Variants in EXOC6B observed in about 807,000 individuals in gnomAD.
The protein encoded by EXOC6B is exocyst complex component 6B, also known as SEC15 homolog B.
A neutral mutation model predicts 113.5 loss-of-function variants in EXOC6B; 54 were observed. That is an observed-to-expected ratio of 0.48 (90% CI 0.38 to 0.60). The LOEUF is 0.60. Among genes scored for constraint, EXOC6B ranks in the 20% least tolerant of loss-of-function variants. The pLI is 0.00. For synonymous variants in EXOC6B, 357 were observed against 339.0 expected, an observed-to-expected ratio of 1.05 and a Z score of -0.58; for missense variants, 797 against 977.5, an observed-to-expected ratio of 0.82 and a Z score of 2.46.
intron 20 of EXOC6B, among the ~76,000 whole-genome samples, chr2:72,255,825 T>C (rs1683321456): frequency 6.6e-6 from 1 of 152,198 alleles, no homozygotes; most frequent in African/African-American, 2.4e-5. Flanking sequence ...TTGAGACTTC[T>C]GGGGATGTGG....
In EXOC6B at chr2:72,671,588, C is replaced by T. The variant is rs137968713; in HGVS notation, c.669+46515G>A. ...TGGTGGGTGCCTGTAATCCCAGCTA[C>T]TCGGGAGCCTGAGGCAGAAGAATCG... On this transcript the variant is annotated intron_variant, in intron 6 of 21. Coordinates refer to ENST00000272427, the MANE Select transcript of EXOC6B (RefSeq NM_015189.3). Among the ~76,000 whole-genome samples the T allele has an allele frequency of 8.2e-3, 1,253 of 152,022 alleles. 82 individuals carry two copies. The East Asian group carries it at 0.15, about 18-fold the overall frequency.
At chr2:72,647,034 T>C (rs964981061) in intron 6 of EXOC6B, among the ~76,000 whole-genome samples, 21 of 152,114 alleles carry the variant, frequency 1.4e-4, no homozygotes, top group African/African-American at 9.7e-5. Context: ...GATGACATGA[T>C]TGTATATTTA....
At chr2:72,575,750 A>G (rs1450105232) in intron 6 of EXOC6B, 82 bp from the exon 7 acceptor site, 15 of 1,299,604 alleles carry the variant, frequency 1.2e-5, no homozygotes, top group East Asian at 2.6e-5. Flanking sequence ...GAAAAGAAAC[A>G]AAACTTAATT....
intron 20 of EXOC6B, among the ~76,000 whole-genome samples, chr2:72,192,486 A>G (rs1478187204): frequency 2.0e-5 from 3 of 152,194 alleles, no homozygotes; most frequent in African/African-American, 7.2e-5. Context: ...CAAGGTTCCA[A>G]TGGAAGACAC....
chr2:72,505,245 C>A (rs1275688528), intron 11 of EXOC6B, among the ~76,000 whole-genome samples: 1 of 152,090 alleles, frequency 6.6e-6, no homozygotes, highest in African/African-American at 2.4e-5. Context: ...ATTTTATCCA[C>A]CTGAAATTCA....
chr2:72,652,280 T>C (rs575159610), intron 6 of EXOC6B, among the ~76,000 whole-genome samples: 2 of 152,226 alleles, frequency 1.3e-5, no homozygotes, highest in Admixed American at 6.5e-5. Flanking sequence ...AAAAAATGTG[T>C]AACCATCTGG....
intron 6 of EXOC6B, among the ~76,000 whole-genome samples, chr2:72,678,847 C>T (rs887267529): frequency 6.6e-5 from 10 of 152,168 alleles, no homozygotes; most frequent in African/African-American, 1.9e-4. Flanking sequence ...TCAATACGTG[C>T]ACCTAATTAA....
At chr2:72,261,438 G>T (rs1683709800) in intron 20 of EXOC6B, among the ~76,000 whole-genome samples, 1 of 152,180 alleles carries the variant, frequency 6.6e-6, no homozygotes, top group Non-Finnish European at 1.5e-5. Context: ...AGGAGTTTGG[G>T]TTTGCCTATT....
intron 18 of EXOC6B, among the ~76,000 whole-genome samples, chr2:72,385,366 T>C (rs898901733): frequency 6.6e-6 from 1 of 151,264 alleles, no homozygotes; most frequent in Non-Finnish European, 1.5e-5. Flanking sequence ...TCAAAATAGA[T>C]TAAAGACTTA....
chr2:72,385,209 C>T (rs1321242225), intron 18 of EXOC6B, among the ~76,000 whole-genome samples: 1 of 152,076 alleles, frequency 6.6e-6, no homozygotes, highest in Non-Finnish European at 1.5e-5. Context: ...TAAACCCACA[C>T]ATTTATGGTC....
At chr2:72,641,842 C>T (rs190165049) in intron 6 of EXOC6B, among the ~76,000 whole-genome samples, 6 of 152,206 alleles carry the variant, frequency 3.9e-5, no homozygotes, top group Admixed American at 2.6e-4. Flanking sequence ...CAGGAGGGTA[C>T]CCCTCTGGGA....
rs569076360 is a variant in EXOC6B at position 72,350,337 on chromosome 2, A to T, written c.2123-15317T>A. Among the ~76,000 whole-genome samples the T allele has an allele frequency of 4.6e-5, 7 of 152,270 alleles. No homozygotes were observed. The South Asian group carries it at 1.0e-3, about 23-fold the overall frequency. On this transcript the variant is annotated intron_variant, in intron 19 of 21. Transcript: ENST00000272427. ...CATGGAATTGTTCTAGGATTCGTTG[A>T]TAACTTTTCCCCCAATATAGAATTT...
intron 20 of EXOC6B, among the ~76,000 whole-genome samples, chr2:72,213,013 T>A (rs1680292196): frequency 1.5e-5 from 2 of 137,626 alleles, no homozygotes; most frequent in African/African-American, 5.0e-5. Context: ...CAAGAGAATA[T>A]GACAAAAGTG....
At chr2:72,356,739 A>G (rs1216679348) in intron 19 of EXOC6B, among the ~76,000 whole-genome samples, 1 of 152,078 alleles carries the variant, frequency 6.6e-6, no homozygotes, top group African/African-American at 2.4e-5. Context: ...CTGCTTGCAT[A>G]TACTCTAAAT....
intron 18 of EXOC6B, among the ~76,000 whole-genome samples, chr2:72,399,281 CA>C (rs1692980607): frequency 6.6e-6 from 1 of 152,120 alleles, no homozygotes; most frequent in South Asian, 2.1e-4. Flanking sequence ...CAATATACAA[CA>C]AACCCACAGC....
intron 6 of EXOC6B, among the ~76,000 whole-genome samples, chr2:72,630,735 G>C (rs937950518): frequency 6.6e-6 from 1 of 152,090 alleles, no homozygotes; most frequent in Non-Finnish European, 1.5e-5. Context: ...CAGGGTGACT[G>C]CTAGGTCAAA....
intron 5 of EXOC6B, among the ~76,000 whole-genome samples, chr2:72,723,116 A>G (rs1271349204): frequency 2.0e-5 from 3 of 152,204 alleles, no homozygotes; most frequent in African/African-American, 7.2e-5. Flanking sequence ...GCAGGCACCA[A>G]AAGAAAAAAA....
intron 20 of EXOC6B, among the ~76,000 whole-genome samples, chr2:72,292,360 A>G (rs1194862932): frequency 6.6e-6 from 1 of 152,084 alleles, no homozygotes; most frequent in African/African-American, 2.4e-5. Context: ...ATAGGCTCAC[A>G]AGTAGTTGCA....
At chr2:72,251,681 C>T (rs556738276) in intron 20 of EXOC6B, among the ~76,000 whole-genome samples, 1 of 152,256 alleles carries the variant, frequency 6.6e-6, no homozygotes, top group South Asian at 2.1e-4. Flanking sequence ...GTAATTTTTC[C>T]TACAGAGAAT....
Sources: gnomAD v4.1 joint callset for allele counts (sites outside exome capture counted in the v4.1 genomes callset) on GRCh38, gnomAD v4.1.1 for gene constraint, MANE v1.5 for transcripts, NCBI Gene and HGNC (gene_info 2026-07-23, HGNC 2026-07-21) for gene names.